The following ICE2 variants were observed in gnomAD, a reference collection of about 807,000 sequenced individuals.
The protein encoded by ICE2 is little elongation complex subunit 2.
ICE2 carries 87 observed loss-of-function variants against 105.4 expected under a neutral mutation model. The ratio of observed to expected loss-of-function variants is 0.83; its 90% CI spans 0.69 to 0.99. ICE2 has a LOEUF of 0.99. Ranked by LOEUF, ICE2 falls within the 50% of genes least tolerant of loss-of-function variation. ICE2 has a pLI of 0.00. For missense variants in ICE2, 1,323 were observed against 1,146.7 expected (o/e 1.15, Z -2.22); for synonymous variants, 399 against 392.0 (o/e 1.02, Z -0.21).
rs2063584074 is a variant in ICE2, at chr15:60,436,249, A to T, written c.2426-22T>A. Reference sequence around the variant, plus strand: ...TGCCCTAAAATAAAATATCAAACTTAGAAAGAAGAAGCAATTGCAGTATTT... The same window carrying T: ...TGCCCTAAAATAAAATATCAAACTTTGAAAGAAGAAGCAATTGCAGTATTT... On this transcript the variant is annotated intron_variant, in intron 12 of 15. Transcript: ENST00000261520. 3.0e-6 allele frequency: 3 copies of T among 997,490 alleles called. No homozygotes were observed. In the South Asian group the frequency reaches 5.8e-5, roughly 19 times the overall value. The allele number at this position is 997,490 out of a possible 1,614,324, so 61.8% of individuals were successfully genotyped here.
At chr15:60,464,092 A>C (rs946120669) in intron 5 of ICE2, among the ~76,000 whole-genome samples, 1 of 152,206 alleles carries the variant, frequency 6.6e-6, no homozygotes, top group Non-Finnish European at 1.5e-5. Flanking sequence ...TAAAATTTTA[A>C]AACTAAAAGA....
rs554314484 is a variant in ICE2, at chr15:60,423,289, C to A, written c.*345G>T. The A allele has an allele frequency of 6.0e-6, 1 of 165,574 alleles. No individual in the cohort carries two copies. 10.3% of individuals were successfully genotyped at this position (165,574 alleles called of 1,614,324 possible). On this transcript the variant is annotated 3_prime_UTR_variant, in exon 16 of 16. Transcript: ENST00000261520. ...CGCAACAGACTGGCAATATAACTAA[C>A]ACAATACATAACGATAAGTGTTGTT... is the stretch of plus-strand genomic sequence containing the variant.
At chr15:60,431,742 T>C (rs1265416872) in intron 14 of ICE2, among the ~76,000 whole-genome samples, 192 bp downstream of exon 14, 1 of 152,238 alleles carries the variant, frequency 6.6e-6, no homozygotes, top group Non-Finnish European at 1.5e-5. Flanking sequence ...GAAAATGTAC[T>C]TGCAAGCTCA....
In ICE2 at chr15:60,433,288, C is replaced by T. The variant is rs945256165; in HGVS notation, c.2511-1304G>A. On this transcript the variant is annotated intron_variant, in intron 13 of 15. Transcript: ENST00000261520. ...AATTTTAGTAGAGATGGGGTTTCAC[C>T]GTGTTAGCCAGGATGGTCTCATCTC... is the stretch of plus-strand genomic sequence containing the variant. Among the ~76,000 whole-genome samples the T allele has an allele frequency of 9.2e-5, 14 of 151,850 alleles. 1 individual carries two copies. The highest frequency in any genetic ancestry group is 2.0e-4 in the East Asian group (1 of 5,102).
intron 2 of ICE2, among the ~76,000 whole-genome samples, 173 bp downstream of exon 2, chr15:60,477,764 G>C (rs2064806270): frequency 6.6e-6 from 1 of 152,154 alleles, no homozygotes. Flanking sequence ...AGTACAGTCA[G>C]CCATAACTCT....
Position 60,456,705 on chromosome 15 carries a change from TG to T in ICE2, c.617del (p.Pro206HisfsTer4), listed in dbSNP as rs1566995480. 1.2e-6 allele frequency: 2 copies of T among 1,600,516 alleles called. No homozygotes were observed. The highest frequency in any genetic ancestry group is 1.7e-6 in the Non-Finnish European group (2 of 1,173,396). ...HEVTSLMGFF[P>X]FRVEMGLKLE... ...ACTTTAATCCCATCTCTACTCTGAA[TG>T]GGAAGAATCCCATTAAGCTGGTGAC... On this transcript the variant is annotated frameshift_variant, in exon 6 of 16. Transcript: ENST00000261520. LOFTEE classifies it high-confidence loss of function.
chr15:60,429,516 A>G (rs971052823), intron 14 of ICE2, among the ~76,000 whole-genome samples: 4 of 152,234 alleles, frequency 2.6e-5, no homozygotes, highest in African/African-American at 7.2e-5. Context: ...AATTCAATGT[A>G]TCATCTTAAA....
intron 3 of ICE2, among the ~76,000 whole-genome samples, chr15:60,473,726 C>T (rs185852111): frequency 1.4e-5 from 2 of 144,356 alleles, no homozygotes; most frequent in African/African-American, 2.6e-5. Flanking sequence ...AATTAGTTAT[C>T]CTCAAAAAAC....
intron 3 of ICE2, among the ~76,000 whole-genome samples, chr15:60,474,332 T>C (rs951686978): frequency 9.2e-5 from 14 of 152,130 alleles, no homozygotes; most frequent in African/African-American, 2.7e-4. Flanking sequence ...AATAAATATA[T>C]ATACGTACCC....
rs371262408 is a variant in ICE2 at position 60,428,694 on chromosome 15, T to G, written c.2562-7A>C. On this transcript the variant is annotated splice_polypyrimidine_tract_variant and splice_region_variant and intron_variant, in intron 14 of 15. Transcript: ENST00000261520. ...GTAGGAACCCTCCTGCAAGCTAAAT[T>G]CACACAATGAAACTCAACCCACTGG... The G allele has an allele frequency of 6.2e-7, 1 of 1,611,806 alleles. No homozygotes were observed. The highest frequency in any genetic ancestry group is 1.3e-5 in the African/African-American group (1 of 74,868).
intron 7 of ICE2, 71 bp downstream of exon 7, chr15:60,455,255 A>T: frequency 6.5e-7 from 1 of 1,531,522 alleles, no homozygotes; most frequent in Non-Finnish European, 8.9e-7. Flanking sequence ...ACTTTGGGAC[A>T]ATCGGGTTAG....
At position 60,431,919 on chromosome 15, in the gene ICE2, C is replaced by G. The variant is rs12437617; in HGVS notation, c.2561+15G>C. The G allele has an allele frequency of 0.69, 898,192 of 1,297,136 alleles. 318,972 individuals carry two copies. Among genetic ancestry groups the G allele is most frequent in the East Asian group, 0.94 (38,136 of 40,482 alleles). 80.4% of individuals were successfully genotyped at this position (1,297,136 alleles called of 1,614,324 possible). Reference sequence around the variant, plus strand: ...AATCAGATGTATCAAAGCAAAATGCCTAAAAAATACTTACCTACTTAGTTT... The same window carrying G: ...AATCAGATGTATCAAAGCAAAATGCGTAAAAAATACTTACCTACTTAGTTT... On this transcript the variant is annotated intron_variant, in intron 14 of 15. Transcript: ENST00000261520.
At chr15:60,478,845 G>A in intron 1 of ICE2, 158 bp downstream of exon 1, 1 of 408,814 alleles carries the variant, frequency 2.4e-6, no homozygotes, top group Non-Finnish European at 5.0e-6. Context: ...GCAGGTAAAA[G>A]GGCAAGCAAA....
chr15:60,446,737 C>A (rs2141052316), intron 11 of ICE2, among the ~76,000 whole-genome samples: 1 of 152,240 alleles, frequency 6.6e-6, no homozygotes, highest in East Asian at 1.9e-4. Context: ...AAGTCCTCCA[C>A]AATGATCAAT....
At chr15:60,429,888 G>C (rs1359015419) in intron 14 of ICE2, among the ~76,000 whole-genome samples, 1 of 152,060 alleles carries the variant, frequency 6.6e-6, no homozygotes, top group African/African-American at 2.4e-5. Context: ...AATGGAGAAA[G>C]CTTTCATTTA....
chr15:60,431,855 A>G, intron 14 of ICE2, 79 bp downstream of exon 14: 1 of 770,298 alleles, frequency 1.3e-6, no homozygotes, highest in Non-Finnish European at 2.2e-6. Context: ...TATTCCTAAC[A>G]GTACATTTTC....
chr15:60,451,024 T>C, intron 9 of ICE2: 1 of 292,676 alleles, frequency 3.4e-6, no homozygotes, highest in Non-Finnish European at 5.1e-6. Flanking sequence ...AAAGCAGAAT[T>C]CAAAGCAAGA....
At chr15:60,451,736 T>C (rs573536739) in intron 9 of ICE2, 1 of 436,644 alleles carries the variant, frequency 2.3e-6, no homozygotes, top group East Asian at 1.6e-4. Flanking sequence ...TGCAGCCCCT[T>C]TGGGGTCCAG....
intron 3 of ICE2, among the ~76,000 whole-genome samples, chr15:60,473,863 G>T (rs2064679395): frequency 6.6e-6 from 1 of 152,164 alleles, no homozygotes. Flanking sequence ...TTGGCAAGAG[G>T]AAAGTTGCTT....
Sources: gnomAD v4.1 joint callset for allele counts (sites outside exome capture counted in the v4.1 genomes callset) on GRCh38, gnomAD v4.1.1 for gene constraint, MANE v1.5 for transcripts, NCBI Gene and HGNC (gene_info 2026-07-23, HGNC 2026-07-21) for gene names.